SLCO1B3: variants seen among roughly 807,000 people sequenced by gnomAD.
SLCO1B3 encodes liver-specific organic anion transporter 2.
A neutral mutation model predicts 71.8 loss-of-function variants in SLCO1B3; 72 were observed. The observed-to-expected ratio is 1.00, with a 90% confidence interval of 0.83 to 1.22. SLCO1B3 has a LOEUF of 1.22. SLCO1B3 is among the 50% of genes most tolerant of loss of function. SLCO1B3 has a pLI of 0.00. For synonymous variants in SLCO1B3, 298 were observed against 278.4 expected, an observed-to-expected ratio of 1.07 and a Z score of -0.70; for missense variants, 911 against 819.7, an observed-to-expected ratio of 1.11 and a Z score of -1.36.
At chr12:20,875,514 TAATCTC>T (rs778994317) in intron 9 of SLCO1B3, 37 bp downstream of exon 9, 12 of 1,579,058 alleles carry the variant, frequency 7.6e-6, no homozygotes, top group Admixed American at 2.0e-5. Flanking sequence ...TTGGAATTGT[TAATCTC>T]AATGAAACGG....
chr12:20,842,839 CAAAGGT>C (rs146963390), intron 3 of SLCO1B3, among the ~76,000 whole-genome samples: 3,077 of 152,186 alleles, frequency 0.02, 107 homozygotes, highest in African/African-American at 0.07. Context: ...GTCTCTGATC[CAAAGGT>C]AAAGACTTCG....
intron 15 of SLCO1B3, chr12:20,901,973 CT>C: frequency 2.5e-6 from 1 of 404,168 alleles, no homozygotes; most frequent in Non-Finnish European, 4.8e-6. Flanking sequence ...GCAATTGTAC[CT>C]TACCTCTTAT....
rs550589606 is a variant in SLCO1B3, at chr12:20,850,350, G to A, written c.85-4678G>A. Among the ~76,000 whole-genome samples the A allele has an allele frequency of 1.9e-3, 291 of 151,390 alleles. 3 individuals carry two copies. The highest frequency in any genetic ancestry group is 6.9e-3 in the African/African-American group (286 of 41,276). On this transcript the variant is annotated intron_variant, in intron 3 of 15. Coordinates refer to ENST00000381545, the MANE Select transcript of SLCO1B3 (RefSeq NM_019844.4). ...GCTGGAGTGCCATGGCGCATTCTCG[G>A]CTCACTGCAAGCTCTGCCTCCCGGG...
intron 15 of SLCO1B3, among the ~76,000 whole-genome samples, chr12:20,906,817 A>C (rs2120420533): frequency 6.6e-6 from 1 of 152,274 alleles, no homozygotes; most frequent in South Asian, 2.1e-4. Flanking sequence ...ATTAAAAATC[A>C]CCCAGATTGT....
chr12:20,822,838 A>G (rs967281660), intron 3 of SLCO1B3, among the ~76,000 whole-genome samples: 2 of 152,138 alleles, frequency 1.3e-5, no homozygotes, highest in African/African-American at 4.8e-5. Context: ...TTTTAGCTTA[A>G]TTTTGTTTCT....
chr12:20,910,918 C>A (rs757535170), intron 15 of SLCO1B3, among the ~76,000 whole-genome samples: 10 of 151,864 alleles, frequency 6.6e-5, no homozygotes, highest in Non-Finnish European at 1.2e-4. Context: ...TCCTTCCTTT[C>A]AATCTGTATA....
intron 3 of SLCO1B3, among the ~76,000 whole-genome samples, chr12:20,834,285 A>AAT (rs34538992): frequency 0.45 from 63,623 of 141,592 alleles, 16,187 homozygotes; most frequent in South Asian, 0.63. Context: ...ATACATGGAG[A>AAT]ATATATATAT....
chr12:20,854,910 AT>A (rs1565590333), intron 3 of SLCO1B3, 117 bp from the exon 4 acceptor site: 9 of 957,714 alleles, frequency 9.4e-6, no homozygotes, highest in South Asian at 3.2e-5. Context: ...AAAAATGGGT[AT>A]TTTTTTATGA....
chr12:20,871,436 G>GT (rs1252104032), intron 8 of SLCO1B3, among the ~76,000 whole-genome samples: 1 of 152,120 alleles, frequency 6.6e-6, no homozygotes, highest in South Asian at 2.1e-4. Context: ...GTTTGGTGAG[G>GT]TCATGTTTTC....
chr12:20,916,255 T>C lies in SLCO1B3; in HGVS notation c.*8T>C, dbSNP rs372418887. ...AATGCTGCTGCCAACTAACATTGCA[T>C]TGATTCATTAAGATGTTATTTTTGA... On this transcript the variant is annotated 3_prime_UTR_variant, in exon 16 of 16. Coordinates refer to ENST00000381545, the MANE Select transcript of SLCO1B3 (RefSeq NM_019844.4). 1.9e-5 allele frequency: 30 copies of C among 1,609,844 alleles called. No homozygotes were observed. Among genetic ancestry groups the C allele is most frequent in the Admixed American group, 5.0e-5 (3 of 59,548 alleles).
intron 3 of SLCO1B3, among the ~76,000 whole-genome samples, chr12:20,818,503 G>C (rs905778610): frequency 2.6e-5 from 4 of 152,214 alleles, no homozygotes; most frequent in African/African-American, 7.2e-5. Context: ...TTTGGGACTC[G>C]GGGTATGTTG....
chr12:20,879,090 C>G (rs962575683), intron 10 of SLCO1B3, among the ~76,000 whole-genome samples: 1 of 151,996 alleles, frequency 6.6e-6, no homozygotes, highest in South Asian at 2.1e-4. Context: ...TTCTTAGCCA[C>G]TGCCTTTTTC....
intron 3 of SLCO1B3, among the ~76,000 whole-genome samples, chr12:20,841,067 C>A (rs1431600915): frequency 1.3e-5 from 2 of 152,078 alleles, no homozygotes; most frequent in Admixed American, 1.3e-4. Flanking sequence ...TCTAGCAATT[C>A]AATTATAGTA....
intron 3 of SLCO1B3, among the ~76,000 whole-genome samples, chr12:20,838,708 G>A (rs958517256): frequency 1.3e-5 from 2 of 151,902 alleles, no homozygotes; most frequent in Non-Finnish European, 2.9e-5. Context: ...CATAGAAAAA[G>A]TACAGTAAAA....
intron 3 of SLCO1B3, among the ~76,000 whole-genome samples, chr12:20,833,456 T>C (rs1204786719): frequency 6.7e-6 from 1 of 149,452 alleles, no homozygotes; most frequent in African/African-American, 2.4e-5. Flanking sequence ...ACATATATAG[T>C]TTGATATATA....
chr12:20,826,590 C>T (rs1399306125), intron 3 of SLCO1B3, among the ~76,000 whole-genome samples: 1 of 150,942 alleles, frequency 6.6e-6, no homozygotes, highest in East Asian at 1.9e-4. Flanking sequence ...TCTTACAAAC[C>T]TTATTACAAT....
intron 13 of SLCO1B3, among the ~76,000 whole-genome samples, chr12:20,884,015 A>T (rs1549967): frequency 0.72 from 110,024 of 152,098 alleles, 42,363 homozygotes; most frequent in South Asian, 0.88. Context: ...TTCAATTTGT[A>T]ATGAAATTCT....
At chr12:20,875,209 T>A in intron 8 of SLCO1B3, 26 bp from the exon 9 acceptor site, 1 of 1,611,400 alleles carries the variant, frequency 6.2e-7, no homozygotes, top group Non-Finnish European at 8.5e-7. Flanking sequence ...GATTTTTGAC[T>A]GGCTTCTTTT....
intron 15 of SLCO1B3, among the ~76,000 whole-genome samples, chr12:20,913,900 A>AT (rs1170015161): frequency 6.6e-6 from 1 of 152,078 alleles, no homozygotes; most frequent in East Asian, 1.9e-4. Flanking sequence ...CACAGGCATG[A>AT]ACTAACATGC....
Sources: gnomAD v4.1 joint callset for allele counts (sites outside exome capture counted in the v4.1 genomes callset) on GRCh38, gnomAD v4.1.1 for gene constraint, MANE v1.5 for transcripts, NCBI Gene and HGNC (gene_info 2026-07-23, HGNC 2026-07-21) for gene names.